COL10A1: variants seen among roughly 807,000 people sequenced by gnomAD.
COL10A1 encodes the protein collagen alpha-1(X) chain.
A neutral mutation model predicts 18.2 loss-of-function variants in COL10A1; 10 were observed. The ratio of observed to expected loss-of-function variants is 0.55; its 90% CI spans 0.34 to 0.93. COL10A1 has a LOEUF of 0.93. COL10A1 is among the 40% of genes least tolerant of loss of function. The pLI is 0.02. For missense variants in COL10A1, 897 were observed against 853.5 expected (o/e 1.05, Z -0.64); for synonymous variants, 330 against 316.6 (o/e 1.04, Z -0.45).
the COL10A1 span, among the ~76,000 whole-genome samples, chr6:116,166,206 A>G: frequency 1.3e-5 from 2 of 152,250 alleles, no homozygotes; most frequent in East Asian, 1.9e-4. Context: ...GCAACCCCAC[A>G]TCAACCAGTG....
At chr6:116,213,083 A>G in the COL10A1 span, among the ~76,000 whole-genome samples, 64,719 of 152,028 alleles carry the variant, frequency 0.43, 17,761 homozygotes, top group African/African-American at 0.78. Context: ...ATTCCAAAGC[A>G]TCTTGTTTAG....
At chr6:116,187,607 G>C in the COL10A1 span, among the ~76,000 whole-genome samples, 1 of 152,082 alleles carries the variant, frequency 6.6e-6, no homozygotes, top group African/African-American at 2.4e-5. Flanking sequence ...GTACAGCAGA[G>C]CAGTGGGGAA....
chr6:116,210,256 G>A, the COL10A1 span, among the ~76,000 whole-genome samples: 12 of 151,742 alleles, frequency 7.9e-5, no homozygotes, highest in African/African-American at 2.9e-4. Context: ...TTATATGTAA[G>A]GTTCAAAAAG....
At chr6:116,170,798 G>A in the COL10A1 span, among the ~76,000 whole-genome samples, 1 of 152,208 alleles carries the variant, frequency 6.6e-6, no homozygotes, top group Non-Finnish European at 1.5e-5. Context: ...ACCTTCAGTT[G>A]ATCACCTTAG....
At chr6:116,125,241 T>TCC in intron 2 of COL10A1, 98 bp downstream of exon 2, 1 of 1,401,196 alleles carries the variant, frequency 7.1e-7, no homozygotes, top group Non-Finnish European at 9.8e-7. Flanking sequence ...AGTTGGAAAG[T>TCC]AACACCAAAG....
rs773180406 is a variant in COL10A1 at position 116,121,060 on chromosome 6, C to T, written c.1056G>A (p.Pro352=). Residue 352 remains proline, a synonymous_variant, in exon 3 of 3, where the codon CCG becomes CCA. Transcript: ENST00000651968. ...NMGPQGPKGI[P]GSHGLPGPKG... ...TAGGGCCTGGGAGACCATGGCTACCCGGGATGCCTTTTGGTCCTTGGGGTC... is the reference window on the plus strand; with the variant it reads ...TAGGGCCTGGGAGACCATGGCTACCTGGGATGCCTTTTGGTCCTTGGGGTC... The T allele has an allele frequency of 1.7e-5, 28 of 1,613,944 alleles. No homozygotes were observed. The highest frequency in any genetic ancestry group is 1.6e-4 in the Middle Eastern group (1 of 6,082).
chr6:116,197,675 C>T, the COL10A1 span, among the ~76,000 whole-genome samples: 2 of 152,012 alleles, frequency 1.3e-5, no homozygotes, highest in Non-Finnish European at 2.9e-5. Flanking sequence ...CCAATTGACA[C>T]AATTACTTTT....
At chr6:116,187,855 T>C in the COL10A1 span, among the ~76,000 whole-genome samples, 866 of 152,114 alleles carry the variant, frequency 5.7e-3, 17 homozygotes, top group South Asian at 0.046. Flanking sequence ...AAAGGAAAAG[T>C]GAATAAATTT....
rs149788553 is a variant in COL10A1 at position 116,119,827 on chromosome 6, A to G, written c.*246T>C. 0.021 allele frequency: 8,449 copies of G among 400,364 alleles called. 138 individuals are homozygous for G. Among genetic ancestry groups the G allele is most frequent in the Non-Finnish European group, 0.029 (6,517 of 225,910 alleles). The allele number at this position is 400,364 out of a possible 1,614,324, so 24.8% of individuals were successfully genotyped here. A position where few individuals can be genotyped will look rare whatever the true frequency, so the allele number is the denominator to read the frequency against. On this transcript the variant is annotated 3_prime_UTR_variant, in exon 3 of 3. Coordinates refer to ENST00000651968, the MANE Select transcript of COL10A1 (RefSeq NM_000493.4). ...CAGGACTTCTTTGGTGATATTTTTT[A>G]ATATTGGAGAAAACCTTAAAGAGCC... is the stretch of plus-strand genomic sequence containing the variant.
the COL10A1 span, among the ~76,000 whole-genome samples, chr6:116,213,024 A>C: frequency 6.6e-6 from 1 of 152,152 alleles, no homozygotes; most frequent in African/African-American, 2.4e-5. Context: ...AGGATTTGTG[A>C]ATATTTTATC....
At chr6:116,191,934 A>G in the COL10A1 span, among the ~76,000 whole-genome samples, 1 of 152,090 alleles carries the variant, frequency 6.6e-6, no homozygotes, top group African/African-American at 2.4e-5. Context: ...TGTAAGCTAC[A>G]TTGATTGCCA....
the COL10A1 span, among the ~76,000 whole-genome samples, chr6:116,215,664 G>A: frequency 6.6e-6 from 1 of 152,062 alleles, no homozygotes; most frequent in African/African-American, 2.4e-5. Context: ...TAACCATGTC[G>A]GAAAGAGGAA....
At chr6:116,171,898 G>C in the COL10A1 span, among the ~76,000 whole-genome samples, 1 of 152,192 alleles carries the variant, frequency 6.6e-6, no homozygotes, top group Non-Finnish European at 1.5e-5. Flanking sequence ...ATACAGGGAA[G>C]TTTAAGTCCG....
chr6:116,182,314 A>G, the COL10A1 span, among the ~76,000 whole-genome samples: 5 of 151,478 alleles, frequency 3.3e-5, no homozygotes, highest in East Asian at 9.7e-4. Context: ...CTGGTTCCAC[A>G]TTTTAGCAGT....
At chr6:116,215,399 G>C in the COL10A1 span, among the ~76,000 whole-genome samples, 3 of 152,116 alleles carry the variant, frequency 2.0e-5, no homozygotes, top group Non-Finnish European at 2.9e-5. Context: ...ACAAACAACA[G>C]CTCCTCCAAT....
chr6:116,209,908 T>G, the COL10A1 span, among the ~76,000 whole-genome samples: 1 of 152,008 alleles, frequency 6.6e-6, no homozygotes. Context: ...CAGATAATGG[T>G]CATCAAATAA....
In COL10A1 at chr6:116,120,678, T is replaced by A. The variant is rs567576925; in HGVS notation, c.1438A>T (p.Ile480Leu). The change falls in exon 3 of 3, where the codon ATA (isoleucine) becomes TTA (leucine). Residue 480 changes from isoleucine to leucine, a missense_variant. Transcript: ENST00000651968. The stretch of plus-strand genomic sequence containing the variant: ...GGTCCATTGAGGCCCTTAGTTGCTA[T>A]GCCAGCTGGGCCAGGAGGACCGGGA... ...GSPGPPGPAG[I>L]ATKGLNGPTG... 1.0e-5 allele frequency: 16 copies of A among 1,546,762 alleles called. No homozygotes were observed. The East Asian group carries it at 3.4e-4, about 33-fold the overall frequency.
the COL10A1 span, among the ~76,000 whole-genome samples, chr6:116,171,529 A>C: frequency 6.6e-6 from 1 of 152,232 alleles, no homozygotes; most frequent in Non-Finnish European, 1.5e-5. Flanking sequence ...TGTTTAAACC[A>C]TATGTCATAT....
upstream of COL10A1, among the ~76,000 whole-genome samples, chr6:116,129,762 A>C (rs1779417377): frequency 6.6e-6 from 1 of 152,142 alleles, no homozygotes; most frequent in East Asian, 1.9e-4. Context: ...GTCTTGTGTC[A>C]CTTTTTACTC....
Sources: gnomAD v4.1 joint callset for allele counts (sites outside exome capture counted in the v4.1 genomes callset) on GRCh38, gnomAD v4.1.1 for gene constraint, MANE v1.5 for transcripts, NCBI Gene and HGNC (gene_info 2026-07-23, HGNC 2026-07-21) for gene names.